Variants in ADAM19 observed in about 807,000 individuals in gnomAD.
ADAM19 encodes disintegrin and metalloproteinase domain-containing protein 19.
A neutral mutation model predicts 114.7 loss-of-function variants in ADAM19; 65 were observed. The ratio of observed to expected loss-of-function variants is 0.57; its 90% CI spans 0.46 to 0.70. The LOEUF is 0.70. ADAM19 is among the 30% of genes least tolerant of loss of function. ADAM19 has a pLI of 0.00. For missense variants in ADAM19, 1,063 were observed against 1,204.7 expected, an observed-to-expected ratio of 0.88 and a Z score of 1.74; for synonymous variants, 466 against 460.5, an observed-to-expected ratio of 1.01 and a Z score of -0.15.
At chr5:157,487,001 G>T (rs1259466717) in intron 21 of ADAM19, among the ~76,000 whole-genome samples, 1 of 152,114 alleles carries the variant, frequency 6.6e-6, no homozygotes, top group East Asian at 1.9e-4. Flanking sequence ...CACAGCAAGA[G>T]GGCGGCCACC....
intron 18 of ADAM19, 70 bp from the exon 19 acceptor site, chr5:157,490,524 T>C (rs1755116334): frequency 1.3e-6 from 2 of 1,529,720 alleles, no homozygotes; most frequent in Non-Finnish European, 1.8e-6. Context: ...AAAATAGGTA[T>C]TCGTGCTTCT....
At chr5:157,529,580 C>A (rs1300370102) in intron 5 of ADAM19, among the ~76,000 whole-genome samples, 1 of 152,174 alleles carries the variant, frequency 6.6e-6, no homozygotes, top group Non-Finnish European at 1.5e-5. Context: ...TGAGATGCTG[C>A]ATTTCGAACA....
At chr5:157,554,077 A>G (rs1430708815) in intron 3 of ADAM19, among the ~76,000 whole-genome samples, 1 of 152,248 alleles carries the variant, frequency 6.6e-6, no homozygotes, top group East Asian at 1.9e-4. Flanking sequence ...TCATTTGTAT[A>G]TAAATATACA....
At chr5:157,513,364 A>G (rs762677650) in intron 8 of ADAM19, 70 bp downstream of exon 8, 121 of 1,463,558 alleles carry the variant, frequency 8.3e-5, no homozygotes, top group Non-Finnish European at 1.0e-4. Flanking sequence ...ATCCAGCAGA[A>G]GGCAGCTCCA....
chr5:157,490,200 G>A, intron 19 of ADAM19, 110 bp downstream of exon 19: 1 of 1,257,550 alleles, frequency 8.0e-7, no homozygotes, highest in Non-Finnish European at 1.1e-6. Context: ...TCTTGCACTT[G>A]TCTTCCCTGA....
chr5:157,482,367 G>C (rs1754783059), intron 21 of ADAM19, among the ~76,000 whole-genome samples: 1 of 152,178 alleles, frequency 6.6e-6, no homozygotes, highest in African/African-American at 2.4e-5. Context: ...TGTTCACTCT[G>C]ATGATAGTTT....
At chr5:157,509,491 AGTATCT>A (rs1238866364) in intron 8 of ADAM19, 24 bp from the exon 9 acceptor site, 5 of 1,542,278 alleles carry the variant, frequency 3.2e-6, no homozygotes, top group Non-Finnish European at 4.4e-6. Context: ...GAAAAACCAC[AGTATCT>A]GTCAATACCA....
intron 5 of ADAM19, among the ~76,000 whole-genome samples, chr5:157,526,532 T>G (rs1342517423): frequency 6.6e-6 from 1 of 152,110 alleles, no homozygotes; most frequent in Non-Finnish European, 1.5e-5. Flanking sequence ...CCAGTATAGA[T>G]ATTTAGAGAA....
chr5:157,553,706 T>C (rs1187807425), intron 3 of ADAM19, among the ~76,000 whole-genome samples: 1 of 152,160 alleles, frequency 6.6e-6, no homozygotes, highest in African/African-American at 2.4e-5. Flanking sequence ...GGATTATTTG[T>C]AATAACAAGA....
At chr5:157,538,692 T>C (rs371455326) in intron 3 of ADAM19, among the ~76,000 whole-genome samples, 1 of 152,230 alleles carries the variant, frequency 6.6e-6, no homozygotes, top group African/African-American at 2.4e-5. Flanking sequence ...ACTTGGACAT[T>C]GGTTTCTCTC....
At position 157,481,911 on chromosome 5, in the gene ADAM19, T is replaced by A; in HGVS notation, c.2583A>T (p.Ala861=). The A allele has an allele frequency of 6.2e-7, 1 of 1,606,904 alleles. No individual in the cohort carries two copies. Among genetic ancestry groups the A allele is most frequent in the Non-Finnish European group, 8.5e-7 (1 of 1,176,510 alleles). ...GGCCTGGCACTGGGTTTGCCGGGAG[T>A]GCCTTCTGGGGCGGCCGAGGCCTGG... is the stretch of plus-strand genomic sequence containing the variant. ...DFSRPRPPQK[A]LPANPVPGRR... is the part of the protein sequence containing the mutation. Residue 861 remains alanine, a synonymous_variant, in exon 22 of 23, where the codon GCA becomes GCT. Transcript: ENST00000257527.
intron 2 of ADAM19, 39 bp from the exon 3 acceptor site, chr5:157,564,482 C>G: frequency 1.3e-6 from 2 of 1,588,378 alleles, no homozygotes; most frequent in South Asian, 2.2e-5. Context: ...TCCTAAAAGC[C>G]GGCACCAGGC....
At chr5:157,547,744 A>AC (rs1379628189) in intron 3 of ADAM19, among the ~76,000 whole-genome samples, 1 of 152,128 alleles carries the variant, frequency 6.6e-6, no homozygotes, top group African/African-American at 2.4e-5. Context: ...CCCACATGCA[A>AC]CCCATTTCCC....
chr5:157,524,779 A>T (rs1465690334), intron 5 of ADAM19, among the ~76,000 whole-genome samples: 6 of 152,258 alleles, frequency 3.9e-5, no homozygotes, highest in Non-Finnish European at 8.8e-5. Context: ...TAAGTGATGT[A>T]ATAACACTGC....
Position 157,478,754 on chromosome 5 carries a change from G to A in ADAM19, c.*2195C>T. On this transcript the variant is annotated 3_prime_UTR_variant, in exon 23 of 23. Transcript: ENST00000257527. ...CAACTTTATGGGATGGAGGTGATAT[G>A]AAAATAATAAAACAAAACAAAACAA... The A allele has an allele frequency of 9.1e-6, 9 of 985,804 alleles. No individual in the cohort carries two copies. Among genetic ancestry groups the A allele is most frequent in the Non-Finnish European group, 1.1e-5 (9 of 829,930 alleles). 61.1% of individuals were successfully genotyped at this position (985,804 alleles called of 1,614,324 possible).
chr5:157,549,615 T>C (rs953230253), intron 3 of ADAM19, among the ~76,000 whole-genome samples: 6 of 152,258 alleles, frequency 3.9e-5, no homozygotes, highest in Non-Finnish European at 7.3e-5. Flanking sequence ...CCGTTCCTCT[T>C]GCCTTCGCAG....
intron 2 of ADAM19, among the ~76,000 whole-genome samples, chr5:157,565,162 T>A (rs1250227294): frequency 6.6e-6 from 1 of 152,096 alleles, no homozygotes; most frequent in Admixed American, 6.6e-5. Context: ...CCAGAACGGA[T>A]CACTTAACAT....
intron 4 of ADAM19, among the ~76,000 whole-genome samples, chr5:157,535,025 C>G (rs1756722926): frequency 6.6e-6 from 1 of 150,844 alleles, no homozygotes; most frequent in Non-Finnish European, 1.5e-5. Flanking sequence ...CTTCTCCTCT[C>G]AGTTTCCTCA....
chr5:157,553,863 G>A (rs1757271097), intron 3 of ADAM19, among the ~76,000 whole-genome samples: 1 of 152,046 alleles, frequency 6.6e-6, no homozygotes, highest in Non-Finnish European at 1.5e-5. Flanking sequence ...AAATAAAAAA[G>A]CCAATTATAA....
Sources: gnomAD v4.1 joint callset for allele counts (sites outside exome capture counted in the v4.1 genomes callset) on GRCh38, gnomAD v4.1.1 for gene constraint, MANE v1.5 for transcripts, NCBI Gene and HGNC (gene_info 2026-07-23, HGNC 2026-07-21) for gene names.